EEF2K: variants seen among roughly 807,000 people sequenced by gnomAD.
The protein encoded by EEF2K is alternative protein EEF2K.
In EEF2K, 70 loss-of-function variants were observed where a neutral mutation model predicts 93.8. That is an observed-to-expected ratio of 0.75 (90% CI 0.62 to 0.91). EEF2K has a LOEUF of 0.91. EEF2K is among the 40% of genes least tolerant of loss of function. EEF2K has a pLI of 0.00. For missense variants in EEF2K, 935 were observed against 972.9 expected, an observed-to-expected ratio of 0.96 and a Z score of 0.52; for synonymous variants, 376 against 380.8, an observed-to-expected ratio of 0.99 and a Z score of 0.15.
At chr16:22,240,831 G>T (rs2047214542) in intron 2 of EEF2K, among the ~76,000 whole-genome samples, 1 of 152,026 alleles carries the variant, frequency 6.6e-6, no homozygotes, top group African/African-American at 2.4e-5. Flanking sequence ...GTGTAGTTGT[G>T]CTCTCTTGCC....
intron 13 of EEF2K, 169 bp downstream of exon 13, chr16:22,265,049 C>A: frequency 1.5e-6 from 1 of 687,782 alleles, no homozygotes; most frequent in Non-Finnish European, 2.4e-6. Flanking sequence ...TGAACCTCTG[C>A]AGGGCAGGAT....
chr16:22,220,444 T>A (rs979247809), intron 1 of EEF2K, among the ~76,000 whole-genome samples: 1 of 59,010 alleles, frequency 1.7e-5, no homozygotes, highest in Non-Finnish European at 3.2e-5. Flanking sequence ...CTGAGCGTGC[T>A]TTTTTTTTTG....
chr16:22,221,357 T>C (rs1211857123), intron 1 of EEF2K, among the ~76,000 whole-genome samples: 1 of 152,016 alleles, frequency 6.6e-6, no homozygotes, highest in Non-Finnish European at 1.5e-5. Context: ...CATGGTGGCA[T>C]GGACTGCTCT....
rs187237620 is a variant in EEF2K, at chr16:22,250,793, G to C, written c.446+102G>C. 4 of 1,475,922 alleles carry C rather than the reference G, an allele frequency of 2.7e-6. No individual in the cohort carries two copies. The Admixed American group carries it at 7.4e-5, about 27-fold the overall frequency. 91.4% of individuals were successfully genotyped at this position (1,475,922 alleles called of 1,614,324 possible). On this transcript the variant is annotated intron_variant, in intron 5 of 17. Coordinates refer to ENST00000263026, the MANE Select transcript of EEF2K (RefSeq NM_013302.5). ...TTTCAGCCAAGGAATGGAGCCAGGG[G>C]CCTCTGCCTTCTTGTAGCCCAGGTT... is the stretch of plus-strand genomic sequence containing the variant.
At chr16:22,256,608 C>A in intron 6 of EEF2K, 140 bp from the exon 7 acceptor site, 1 of 865,274 alleles carries the variant, frequency 1.2e-6, no homozygotes, top group South Asian at 2.2e-5. Flanking sequence ...TCATCAGGAG[C>A]TCCTACAATA....
At chr16:22,257,217 C>G in intron 7 of EEF2K, 36 bp from the exon 8 acceptor site, 1 of 1,613,934 alleles carries the variant, frequency 6.2e-7, no homozygotes, top group Non-Finnish European at 8.5e-7. Flanking sequence ...CTCAGCCTGT[C>G]TCTTGACATC....
chr16:22,247,037 C>CAAAAAA (rs57073413), intron 3 of EEF2K, among the ~76,000 whole-genome samples: 88 of 13,706 alleles, frequency 6.4e-3, no homozygotes, highest in East Asian at 0.013. Context: ...GACTCCATCT[C>CAAAAAA]AAAAAAAAAA....
intron 6 of EEF2K, among the ~76,000 whole-genome samples, chr16:22,253,972 G>A (rs760746365): frequency 3.4e-4 from 52 of 152,188 alleles, no homozygotes; most frequent in East Asian, 1.2e-3. Context: ...GGTGGTGCAC[G>A]CCTGTAATCC....
At position 22,260,604 on chromosome 16, in the gene EEF2K, T is replaced by A. The variant is rs921272362; in HGVS notation, c.1299+75T>A. On this transcript the variant is annotated intron_variant, in intron 11 of 17. Transcript: ENST00000263026. ...GGAGTGGATTCACTCCCAGAGTGAATCTTCAGCTTCGGAGGTGGGCAGCCT... is the reference window on the plus strand; with the variant it reads ...GGAGTGGATTCACTCCCAGAGTGAAACTTCAGCTTCGGAGGTGGGCAGCCT... The A allele has an allele frequency of 1.8e-5, 28 of 1,591,408 alleles. No homozygotes were observed. In the African/African-American group the frequency reaches 3.8e-4, roughly 21 times the overall value.
At chr16:22,248,666 G>A in intron 3 of EEF2K, 89 bp from the exon 4 acceptor site, 2 of 1,518,334 alleles carry the variant, frequency 1.3e-6, no homozygotes, top group Non-Finnish European at 1.8e-6. Flanking sequence ...GAGGTCAGTG[G>A]GGAGCCCAGA....
rs1469472527 is a variant in EEF2K at position 22,266,402 on chromosome 16, A to G, written c.1453A>G (p.Lys485Glu). ...TCTTTCCCTTCAGGTATGTGTAGAG[A>G]AGTGGAATCTCCTCAACTCCTCCCG... The part of the protein sequence containing the change: ...LGSSGRVCVE[K>E]WNLLNSSRLH... Residue 485 changes from lysine to glutamate, a missense_variant, in exon 14 of 18, where the codon AAG becomes GAG. By Grantham distance (56) the Lys-to-Glu change is moderately conservative (BLOSUM62 1). Coordinates refer to ENST00000263026, the MANE Select transcript of EEF2K (RefSeq NM_013302.5). 1.2e-6 allele frequency: 2 copies of G among 1,613,830 alleles called. No homozygotes were observed. The highest frequency in any genetic ancestry group is 4.5e-5 in the East Asian group (2 of 44,862).
intron 17 of EEF2K, among the ~76,000 whole-genome samples, chr16:22,282,469 C>T (rs1006544171): frequency 1.3e-5 from 2 of 152,178 alleles, no homozygotes; most frequent in African/African-American, 4.8e-5. Flanking sequence ...AGAATATGAA[C>T]GTCCCCTCCA....
At chr16:22,210,999 TA>T (rs2046908584) in intron 1 of EEF2K, among the ~76,000 whole-genome samples, 1 of 152,184 alleles carries the variant, frequency 6.6e-6, no homozygotes, top group Non-Finnish European at 1.5e-5. Flanking sequence ...TCAGAAATGG[TA>T]CAAGTTATTT....
At chr16:22,252,411 T>A (rs1285812369) in intron 6 of EEF2K, among the ~76,000 whole-genome samples, 2 of 152,158 alleles carry the variant, frequency 1.3e-5, no homozygotes, top group Non-Finnish European at 2.9e-5. Flanking sequence ...CAAGTTCTTG[T>A]TGGAATGACA....
chr16:22,230,363 G>A (rs1419762985), intron 2 of EEF2K, among the ~76,000 whole-genome samples: 2 of 151,938 alleles, frequency 1.3e-5, no homozygotes, highest in Non-Finnish European at 2.9e-5. Context: ...ACAGGTGCAC[G>A]CCACTATGCC....
At chr16:22,240,011 G>T (rs1321902567) in intron 2 of EEF2K, among the ~76,000 whole-genome samples, 1 of 151,232 alleles carries the variant, frequency 6.6e-6, no homozygotes, top group Non-Finnish European at 1.5e-5. Context: ...GCTGAGGCAG[G>T]AGAATCGCTT....
chr16:22,254,221 C>T (rs2047378375), intron 6 of EEF2K, among the ~76,000 whole-genome samples: 1 of 152,122 alleles, frequency 6.6e-6, no homozygotes, highest in African/African-American at 2.4e-5. Context: ...TGTGGCTGTA[C>T]CACTGCCCCT....
chr16:22,277,669 G>A (rs2047650991), intron 16 of EEF2K, among the ~76,000 whole-genome samples: 1 of 152,174 alleles, frequency 6.6e-6, no homozygotes, highest in South Asian at 2.1e-4. Context: ...AAAGATTTTG[G>A]TAGTTGTAAG....
At chr16:22,273,524 G>T in intron 15 of EEF2K, 102 bp from the exon 16 acceptor site, 2 of 1,523,368 alleles carry the variant, frequency 1.3e-6, no homozygotes, top group African/African-American at 1.4e-5. Flanking sequence ...CCAACCCGGA[G>T]CTCTCAAAAA....
Sources: gnomAD v4.1 joint callset for allele counts (sites outside exome capture counted in the v4.1 genomes callset) on GRCh38, gnomAD v4.1.1 for gene constraint, MANE v1.5 for transcripts, NCBI Gene and HGNC (gene_info 2026-07-23, HGNC 2026-07-21) for gene names.